The following TMEFF2 variants were observed in gnomAD, a reference collection of about 807,000 sequenced individuals.
The protein encoded by TMEFF2 is transmembrane protein with EGF like and two follistatin like domains 2, also known as tomoregulin-2.
A neutral mutation model predicts 53.8 loss-of-function variants in TMEFF2; 28 were observed. The ratio of observed to expected loss-of-function variants is 0.52; its 90% CI spans 0.39 to 0.71. TMEFF2 has a LOEUF of 0.71. TMEFF2 is among the 30% of genes least tolerant of loss of function. TMEFF2 has a pLI of 0.00. For synonymous variants in TMEFF2, 162 were observed against 166.3 expected (o/e 0.97, Z 0.20); for missense variants, 353 against 455.2 (o/e 0.78, Z 2.04).
intron 4 of TMEFF2, among the ~76,000 whole-genome samples, chr2:192,096,954 G>A (rs781490104): frequency 8.5e-5 from 13 of 152,066 alleles, no homozygotes; most frequent in Middle Eastern, 3.4e-3. Context: ...GGGATTACAG[G>A]CATGAGCCAC....
intron 4 of TMEFF2, among the ~76,000 whole-genome samples, chr2:192,135,722 C>G (rs1478590298): frequency 6.6e-6 from 1 of 152,126 alleles, no homozygotes; most frequent in African/African-American, 2.4e-5. Context: ...TCCCCTGTGA[C>G]TTGCACATAT....
chr2:192,085,172 T>A (rs573190656), intron 4 of TMEFF2, among the ~76,000 whole-genome samples: 6 of 152,126 alleles, frequency 3.9e-5, no homozygotes, highest in Non-Finnish European at 7.3e-5. Context: ...ATTTACATGA[T>A]GTTAATACTG....
At chr2:192,075,286 T>TATATATATATATATATAAATATAA in intron 4 of TMEFF2, among the ~76,000 whole-genome samples, 1 of 15,028 alleles carries the variant, frequency 6.7e-5, no homozygotes, top group East Asian at 1.3e-3. Flanking sequence ...ACAGTACTAT[T>TATATATATATATATATAAATATAA]ATATATATAT....
At position 191,950,062 on chromosome 2, in the gene TMEFF2, G is replaced by T. The variant is rs1270482039; in HGVS notation, c.*249C>A. The T allele has an allele frequency of 8.3e-7, 1 of 1,206,128 alleles. No individual in the cohort carries two copies. The highest frequency in any genetic ancestry group is 1.0e-6 in the Non-Finnish European group (1 of 962,618). 74.7% of individuals were successfully genotyped at this position (1,206,128 alleles called of 1,614,324 possible). A position where few individuals can be genotyped will look rare whatever the true frequency, so the allele number is the denominator to read the frequency against. Reference sequence around the variant, plus strand: ...TTTATTATATATAACAAATACATGGGAAAGAAAAAACTATATTGTGTGATA... The same window carrying T: ...TTTATTATATATAACAAATACATGGTAAAGAAAAAACTATATTGTGTGATA... On this transcript the variant is annotated 3_prime_UTR_variant, in exon 10 of 10. Coordinates refer to ENST00000272771, the MANE Select transcript of TMEFF2 (RefSeq NM_016192.4).
intron 5 of TMEFF2, chr2:192,044,618 T>C (rs1687568034): frequency 6.6e-6 from 1 of 152,408 alleles, no homozygotes; most frequent in Middle Eastern, 3.4e-3. Flanking sequence ...GCTCTGTCAC[T>C]TGGGCCTTAT....
At chr2:192,121,118 A>AG (rs1263942014) in intron 4 of TMEFF2, among the ~76,000 whole-genome samples, 1 of 70,874 alleles carries the variant, frequency 1.4e-5, no homozygotes, top group African/African-American at 3.5e-5. Context: ...AAAAGAAAAC[A>AG]AAAAAAACAA....
intron 4 of TMEFF2, among the ~76,000 whole-genome samples, chr2:192,136,042 G>C (rs1574406084): frequency 6.6e-6 from 1 of 152,088 alleles, no homozygotes; most frequent in African/African-American, 2.4e-5. Flanking sequence ...CCTGCACCCA[G>C]GTGAAATAAA....
intron 4 of TMEFF2, among the ~76,000 whole-genome samples, chr2:192,155,488 C>T (rs1321569950): frequency 6.6e-6 from 1 of 151,928 alleles, no homozygotes; most frequent in Non-Finnish European, 1.5e-5. Context: ...TTTTATCCAA[C>T]TTAGACTCTT....
At chr2:192,007,562 A>C (rs1281076060) in intron 5 of TMEFF2, among the ~76,000 whole-genome samples, 1 of 152,194 alleles carries the variant, frequency 6.6e-6, no homozygotes, top group African/African-American at 2.4e-5. Flanking sequence ...GTCTGATTAG[A>C]ATGAACTCTT....
At chr2:192,043,326 G>C (rs1474750928) in intron 5 of TMEFF2, among the ~76,000 whole-genome samples, 2 of 152,302 alleles carry the variant, frequency 1.3e-5, no homozygotes, top group Non-Finnish European at 1.5e-5. Context: ...TATGGACACA[G>C]AACCCTTTGC....
At chr2:191,951,988 A>G (rs934087915) in intron 9 of TMEFF2, among the ~76,000 whole-genome samples, 1 of 152,128 alleles carries the variant, frequency 6.6e-6, no homozygotes, top group African/African-American at 2.4e-5. Flanking sequence ...TCCTTCCCAG[A>G]CACAGTGCAG....
chr2:192,177,541 A>G (rs981243426), intron 4 of TMEFF2: 1 of 151,084 alleles, frequency 6.6e-6, no homozygotes, highest in Non-Finnish European at 1.5e-5. Context: ...ACTCATCACC[A>G]CAATTTTCAG....
At chr2:191,980,534 G>A (rs1456080915) in intron 7 of TMEFF2, among the ~76,000 whole-genome samples, 1 of 152,168 alleles carries the variant, frequency 6.6e-6, no homozygotes, top group Non-Finnish European at 1.5e-5. Context: ...AAGCTAATGA[G>A]TGTTTTCACA....
chr2:192,019,994 A>C (rs2105859584), intron 5 of TMEFF2, among the ~76,000 whole-genome samples: 1 of 152,244 alleles, frequency 6.6e-6, no homozygotes, highest in East Asian at 1.9e-4. Flanking sequence ...AGTAGGTTTC[A>C]TACTATGCTT....
chr2:192,186,811 AT>A, intron 2 of TMEFF2, among the ~76,000 whole-genome samples: 1 of 152,286 alleles, frequency 6.6e-6, no homozygotes, highest in South Asian at 2.1e-4. Flanking sequence ...GATTACTCAA[AT>A]ATAAAGTCAG....
chr2:191,990,763 G>T (rs1030811988), intron 7 of TMEFF2, among the ~76,000 whole-genome samples: 6 of 134,624 alleles, frequency 4.5e-5, no homozygotes, highest in African/African-American at 1.4e-4. Flanking sequence ...CTCTTTGCGG[G>T]GTGTGTGTGT....
rs116363147 is a variant in TMEFF2, at chr2:192,136,625, C to T, written c.439+43043G>A. 3.5e-3 allele frequency among the ~76,000 whole-genome samples: 526 copies of T among 152,118 alleles called. 1 individual carries two copies. The highest frequency in any genetic ancestry group is 9.3e-3 in the South Asian group (45 of 4,824). ...ACATAGGTAGATTTATCATTCTTTG[C>T]GGATTATTTCTTCTCTTTTTTTCTC... On this transcript the variant is annotated intron_variant, in intron 4 of 9. Coordinates refer to ENST00000272771, the MANE Select transcript of TMEFF2 (RefSeq NM_016192.4).
intron 4 of TMEFF2, among the ~76,000 whole-genome samples, chr2:192,072,995 T>C (rs1688326179): frequency 6.6e-6 from 1 of 151,970 alleles, no homozygotes; most frequent in Non-Finnish European, 1.5e-5. Flanking sequence ...TCATTCCTCC[T>C]CTGCTCCCAC....
intron 4 of TMEFF2, among the ~76,000 whole-genome samples, chr2:192,123,706 T>C (rs1689612619): frequency 6.6e-6 from 1 of 152,248 alleles, no homozygotes; most frequent in Admixed American, 6.5e-5. Flanking sequence ...CTTACTCTGT[T>C]AAAATCAATA....
Sources: gnomAD v4.1 joint callset for allele counts (sites outside exome capture counted in the v4.1 genomes callset) on GRCh38, gnomAD v4.1.1 for gene constraint, MANE v1.5 for transcripts, NCBI Gene and HGNC (gene_info 2026-07-23, HGNC 2026-07-21) for gene names.